Variants in CATSPERT observed in about 807,000 individuals in gnomAD.
CATSPERT encodes the protein catsper channel auxiliary subunit tau, also known as cation channel sperm-associated targeting subunit tau.
At chr2:201,521,457 G>GAGAGAGACAC in the CATSPERT span, among the ~76,000 whole-genome samples, 22 of 150,762 alleles carry the variant, frequency 1.5e-4, no homozygotes, top group African/African-American at 4.4e-4. Context: ...GAGAGAAAGA[G>GAGAGAGACAC]ACACACAGAG....
At chr2:201,534,450 A>G in the CATSPERT span, 2 of 984,194 alleles carry the variant, frequency 2.0e-6, no homozygotes, top group South Asian at 4.7e-5. Context: ...TACATACATT[A>G]AAAGGTAAAC....
At chr2:201,608,438 T>G in the CATSPERT span, among the ~76,000 whole-genome samples, 1 of 152,150 alleles carries the variant, frequency 6.6e-6, no homozygotes, top group African/African-American at 2.4e-5. Context: ...TCTGGGCATG[T>G]GACCCTCGAG....
At chr2:201,549,692 A>G in the CATSPERT span, 1 of 152,306 alleles carries the variant, frequency 6.6e-6, no homozygotes, top group Admixed American at 6.5e-5. Flanking sequence ...TAGAAGAACT[A>G]CACTTACAAA....
the CATSPERT span, among the ~76,000 whole-genome samples, chr2:201,511,139 G>A: frequency 6.6e-6 from 1 of 152,140 alleles, no homozygotes; most frequent in African/African-American, 2.4e-5. Flanking sequence ...TCTTAAAAAC[G>A]AAAATGTGAG....
At chr2:201,494,326 G>A in the CATSPERT span, 8 of 1,536,956 alleles carry the variant, frequency 5.2e-6, no homozygotes, top group African/African-American at 9.6e-5. Context: ...GAGTATCATT[G>A]ATTGTTTTAA....
the CATSPERT span, among the ~76,000 whole-genome samples, chr2:201,531,831 A>C: frequency 3.3e-5 from 5 of 152,252 alleles, no homozygotes; most frequent in African/African-American, 4.8e-5. Flanking sequence ...CAGAAAGATT[A>C]AATAGGGGCA....
chr2:201,506,736 G>A, the CATSPERT span, among the ~76,000 whole-genome samples: 1 of 152,080 alleles, frequency 6.6e-6, no homozygotes, highest in Non-Finnish European at 1.5e-5. Context: ...TGTATTTTTA[G>A]TAGAGATGTG....
chr2:201,494,876 T>TC, the CATSPERT span: 1 of 878,710 alleles, frequency 1.1e-6, no homozygotes, highest in Non-Finnish European at 1.5e-6. Context: ...TCTCCTACCC[T>TC]CCACAAAGGG....
the CATSPERT span, among the ~76,000 whole-genome samples, chr2:201,597,708 G>A: frequency 1.3e-5 from 2 of 152,114 alleles, no homozygotes; most frequent in African/African-American, 2.4e-5. Context: ...GTTCCTTCAT[G>A]TAGTTTTCTG....
chr2:201,539,228 T>C, the CATSPERT span, among the ~76,000 whole-genome samples: 1 of 152,210 alleles, frequency 6.6e-6, no homozygotes, highest in African/African-American at 2.4e-5. Flanking sequence ...TTTAGGTCTT[T>C]GAGGAACCAC....
chr2:201,564,120 ATGTG>A, the CATSPERT span, among the ~76,000 whole-genome samples: 1 of 152,198 alleles, frequency 6.6e-6, no homozygotes, highest in African/African-American at 2.4e-5. Flanking sequence ...AAGTTACCTC[ATGTG>A]CCTCACACTA....
the CATSPERT span, among the ~76,000 whole-genome samples, chr2:201,581,583 T>TATATAG: frequency 4.6e-5 from 3 of 64,816 alleles, no homozygotes; most frequent in African/African-American, 2.0e-4. Context: ...TATATATATA[T>TATATAG]ATATATATAT....
At chr2:201,535,489 A>G in the CATSPERT span, 1 of 914,386 alleles carries the variant, frequency 1.1e-6, no homozygotes, top group Non-Finnish European at 1.3e-6. Flanking sequence ...AGAACATGTT[A>G]TTTCCTATAA....
chr2:201,547,707 T>C, the CATSPERT span: 4 of 609,262 alleles, frequency 6.6e-6, no homozygotes, highest in Non-Finnish European at 1.1e-5. Context: ...GATCCATTTA[T>C]AAAATGTTCT....
chr2:201,499,259 T>C, the CATSPERT span, among the ~76,000 whole-genome samples: 2 of 152,188 alleles, frequency 1.3e-5, no homozygotes, highest in Non-Finnish European at 2.9e-5. Context: ...AGGGTGACCC[T>C]TGGAAAAGAT....
the CATSPERT span, among the ~76,000 whole-genome samples, chr2:201,521,084 G>T: frequency 4.9e-4 from 75 of 152,186 alleles, no homozygotes; most frequent in African/African-American, 1.6e-3. Flanking sequence ...CCAATAAGAA[G>T]TAATGAGACT....
chr2:201,539,841 G>A, the CATSPERT span, among the ~76,000 whole-genome samples: 5 of 152,060 alleles, frequency 3.3e-5, no homozygotes, highest in Non-Finnish European at 7.4e-5. Context: ...AGCTAGAAAT[G>A]ATTAAGCTTA....
the CATSPERT span, chr2:201,602,031 T>C: frequency 1.7e-6 from 1 of 582,184 alleles, no homozygotes; most frequent in South Asian, 3.1e-5. Context: ...TCTAAAATAG[T>C]ATTTTTGCCC....
chr2:201,548,717 C>G, the CATSPERT span, among the ~76,000 whole-genome samples: 4 of 151,960 alleles, frequency 2.6e-5, no homozygotes, highest in African/African-American at 4.8e-5. Context: ...GACAATAAAA[C>G]CTGACAAAGA....
Sources: gnomAD v4.1 joint callset for allele counts (sites outside exome capture counted in the v4.1 genomes callset) on GRCh38, gnomAD v4.1.1 for gene constraint, MANE v1.5 for transcripts, NCBI Gene and HGNC (gene_info 2026-07-23, HGNC 2026-07-21) for gene names.